Variants in WDR41 observed in about 807,000 individuals in gnomAD.
WDR41 encodes the protein WD repeat domain 41, also known as WD repeat-containing protein 41.
WDR41 carries 63 observed loss-of-function variants against 69.3 expected under a neutral mutation model. The ratio of observed to expected loss-of-function variants is 0.91; its 90% confidence interval spans 0.74 to 1.12. The LOEUF (loss-of-function observed/expected upper bound fraction) is 1.12, where lower values mean the gene tolerates loss of function less well. WDR41 is among the 50% of genes most tolerant of loss of function. The pLI, the probability that WDR41 is intolerant of heterozygous loss-of-function variation, is 0.00. For synonymous variants in WDR41, 185 were observed against 192.1 expected (o/e 0.96, Z 0.31); for missense variants, 543 against 534.5 (o/e 1.02, Z -0.16).
intron 1 of WDR41, among the ~76,000 whole-genome samples, chr5:77,500,620 C>G (rs1053938972): frequency 2.0e-5 from 3 of 152,170 alleles, no homozygotes; most frequent in Admixed American, 6.5e-5. Context: ...TTACCAAAAT[C>G]TGTTCAAGCT....
intron 1 of WDR41, among the ~76,000 whole-genome samples, chr5:77,595,023 AGAG>A (rs1299905581): frequency 6.6e-6 from 1 of 152,206 alleles, no homozygotes; most frequent in Admixed American, 6.5e-5. Context: ...AGCTTTTTAC[AGAG>A]GAGAGAAAAC....
chr5:77,593,506 TAC>T (rs1744168051), intron 1 of WDR41, among the ~76,000 whole-genome samples: 2 of 152,224 alleles, frequency 1.3e-5, no homozygotes, highest in African/African-American at 4.8e-5. Context: ...TGGAATATGA[TAC>T]AGTCATTATA....
intron 1 of WDR41, among the ~76,000 whole-genome samples, chr5:77,505,647 C>T (rs1802093694): frequency 6.6e-6 from 1 of 152,158 alleles, no homozygotes; most frequent in Non-Finnish European, 1.5e-5. Context: ...TGCTACAAGG[C>T]TACAGTAACC....
intron 4 of WDR41, among the ~76,000 whole-genome samples, chr5:77,459,775 A>T (rs930588470): frequency 1.3e-5 from 2 of 152,234 alleles, no homozygotes; most frequent in Non-Finnish European, 2.9e-5. Flanking sequence ...ATATGCATGT[A>T]TTAAAAATTG....
At chr5:77,535,062 G>GT (rs1211270179) in intron 1 of WDR41, among the ~76,000 whole-genome samples, 1 of 152,118 alleles carries the variant, frequency 6.6e-6, no homozygotes, top group Non-Finnish European at 1.5e-5. Context: ...TCATTTTTGA[G>GT]TTTTTTCTTT....
chr5:77,547,073 C>G (rs945985487), intron 1 of WDR41, among the ~76,000 whole-genome samples: 2 of 152,110 alleles, frequency 1.3e-5, no homozygotes, highest in South Asian at 2.1e-4. Context: ...AATCAGCATC[C>G]CTTTATGATT....
chr5:77,568,014 C>A (rs1022289520), intron 1 of WDR41, among the ~76,000 whole-genome samples: 2 of 151,732 alleles, frequency 1.3e-5, no homozygotes, highest in Admixed American at 6.6e-5. Context: ...TGTTCCACAA[C>A]CCCCAGCTGA....
chr5:77,529,193 T>C (rs1197319164), intron 1 of WDR41, among the ~76,000 whole-genome samples: 1 of 151,498 alleles, frequency 6.6e-6, no homozygotes, highest in Non-Finnish European at 1.5e-5. Context: ...GTAAAGTTGC[T>C]GACTACAAAG....
chr5:77,487,786 C>T (rs1801588852), intron 2 of WDR41, among the ~76,000 whole-genome samples: 1 of 152,104 alleles, frequency 6.6e-6, no homozygotes. Flanking sequence ...TTTGGGCTTT[C>T]TGCTACCAGT....
chr5:77,558,854 TC>T lies in WDR41; in HGVS notation c.42+61624del, dbSNP rs568644756. ...AATTATGAATATGTGATTACTTTCA[TC>T]CTTTCAAAATAATAAAGTCATTGAA... On this transcript the variant is annotated intron_variant, in intron 1 of 5. Transcript: ENST00000509971. Among the ~76,000 whole-genome samples the T allele has an allele frequency of 2.7e-4, 40 of 146,994 alleles. 1 individual carries two copies. In the East Asian group the frequency reaches 7.9e-3, roughly 29 times the overall value.
intron 3 of WDR41, among the ~76,000 whole-genome samples, chr5:77,464,273 A>ATTTTTTTTTTTTTTTTT (rs772388660): frequency 1.0e-5 from 1 of 95,484 alleles, no homozygotes; most frequent in Non-Finnish European, 2.1e-5. Flanking sequence ...TTAGGAAAAA[A>ATTTTTTTTTTTTTTTTT]CTTTTTTTTT....
chr5:77,556,238 G>A (rs1271741245), intron 1 of WDR41, among the ~76,000 whole-genome samples: 5 of 151,584 alleles, frequency 3.3e-5, no homozygotes, highest in African/African-American at 4.9e-5. Context: ...CGAAATAGCT[G>A]GGATTATAGG....
At chr5:77,517,638 A>G (rs1045108127) in intron 1 of WDR41, among the ~76,000 whole-genome samples, 2 of 66,148 alleles carry the variant, frequency 3.0e-5, no homozygotes, top group Non-Finnish European at 7.6e-5. Context: ...GAACATATAT[A>G]TATATATATA....
intron 1 of WDR41, among the ~76,000 whole-genome samples, chr5:77,610,917 C>T (rs187212127): frequency 0.15 from 22,711 of 151,844 alleles, 2,133 homozygotes; most frequent in East Asian, 0.42. Flanking sequence ...ACCCATCTCA[C>T]GTGCAAAGAC....
At chr5:77,449,895 T>G in intron 7 of WDR41, 25 bp from the exon 8 acceptor site, 2 of 1,472,474 alleles carry the variant, frequency 1.4e-6, no homozygotes, top group Non-Finnish European at 1.9e-6. Flanking sequence ...CAGATAAAAT[T>G]TTATTACAAT....
intron 1 of WDR41, among the ~76,000 whole-genome samples, chr5:77,594,482 C>A (rs1356375838): frequency 6.6e-6 from 1 of 151,652 alleles, no homozygotes; most frequent in East Asian, 1.9e-4. Flanking sequence ...TACATCTTGG[C>A]ATACATTATA....
intron 1 of WDR41, among the ~76,000 whole-genome samples, chr5:77,604,997 A>G (rs766367524): frequency 5.3e-5 from 8 of 151,854 alleles, no homozygotes. Flanking sequence ...CATAACAATG[A>G]CTACCTGTTA....
chr5:77,458,215 G>T (rs949888792), intron 5 of WDR41, among the ~76,000 whole-genome samples: 4 of 152,016 alleles, frequency 2.6e-5, no homozygotes, highest in Non-Finnish European at 5.9e-5. Context: ...ATAGTACATG[G>T]CACTTTCTTC....
chr5:77,433,273 A>G lies in WDR41; in HGVS notation c.1242T>C (p.Phe414=), dbSNP rs767525748. ...AGCACGTCACTAGTCCATGATCTTC[A>G]AAGTATAGAAACATCTGTAAAGAAA... ...HSSSVEMFLY[F]EDHGLVTCSA... is the part of the protein sequence containing the mutation. The change falls in exon 13 of 13, where the codon TTT becomes TTC. Residue 414 remains phenylalanine, a synonymous_variant. Coordinates refer to ENST00000296679, the MANE Select transcript of WDR41 (RefSeq NM_018268.4). 7 of 1,611,400 alleles carry G rather than the reference A, an allele frequency of 4.3e-6. No individual in the cohort carries two copies. The highest frequency in any genetic ancestry group is 5.9e-6 in the Non-Finnish European group (7 of 1,179,354).
Sources: allele counts gnomAD v4.1 joint callset (sites outside exome capture counted in the v4.1 genomes callset), GRCh38; gene constraint gnomAD v4.1.1; transcripts MANE v1.5; gene names NCBI Gene and HGNC (gene_info 2026-07-23, HGNC 2026-07-21).